Variants in RELN observed in about 807,000 individuals in gnomAD.
The protein encoded by RELN is reelin.
Under a neutral mutation model 427.6 loss-of-function variants are expected in RELN, and 108 were observed. The ratio of observed to expected loss-of-function variants is 0.25; its 90% CI spans 0.22 to 0.30. RELN has a LOEUF of 0.30. Ranked by LOEUF, RELN falls within the 10% of genes least tolerant of loss-of-function variation. The pLI, the probability that RELN is intolerant of heterozygous loss-of-function variation, is 1.00. For missense variants in RELN, 3,715 were observed against 4,302.8 expected, an observed-to-expected ratio of 0.86 and a Z score of 3.82; for synonymous variants, 1,524 against 1,513.4, an observed-to-expected ratio of 1.01 and a Z score of -0.16.
chr7:103,794,415 C>T (rs1792246425), intron 3 of RELN, among the ~76,000 whole-genome samples: 1 of 152,184 alleles, frequency 6.6e-6, no homozygotes, highest in Non-Finnish European at 1.5e-5. Context: ...CTTCTTTCCC[C>T]AACCAAAGAC....
intron 4 of RELN, among the ~76,000 whole-genome samples, chr7:103,762,813 G>A (rs571356033): frequency 1.3e-5 from 2 of 151,944 alleles, no homozygotes; most frequent in Admixed American, 1.3e-4. Context: ...TGTATAATCT[G>A]TCTTGCTCTA....
chr7:103,723,486 A>C (rs1790128721), intron 7 of RELN, among the ~76,000 whole-genome samples: 1 of 152,164 alleles, frequency 6.6e-6, no homozygotes, highest in Admixed American at 6.5e-5. Context: ...TTATCTTGTG[A>C]AGGCATTTAA....
chr7:103,835,166 C>T (rs912002396), intron 2 of RELN, among the ~76,000 whole-genome samples: 6 of 152,078 alleles, frequency 3.9e-5, no homozygotes, highest in Non-Finnish European at 8.8e-5. Flanking sequence ...ACTTAATATG[C>T]GTATTACCAA....
chr7:103,538,234 A>G (rs1469237158), intron 45 of RELN, among the ~76,000 whole-genome samples: 1 of 152,212 alleles, frequency 6.6e-6, no homozygotes, highest in East Asian at 1.9e-4. Context: ...CTTGAAAATA[A>G]CCAAATTCCT....
chr7:103,807,667 T>G (rs1251925579), intron 3 of RELN, among the ~76,000 whole-genome samples: 1 of 152,064 alleles, frequency 6.6e-6, no homozygotes, highest in African/African-American at 2.4e-5. Flanking sequence ...TTTGTGCCCA[T>G]GTGTATTCAG....
chr7:103,977,310 CAAAAAAAAAAAAAAA>C (rs201026012), intron 1 of RELN, among the ~76,000 whole-genome samples: 2 of 88,278 alleles, frequency 2.3e-5, no homozygotes, highest in African/African-American at 1.0e-4. Context: ...GACTCTGTCT[CAAAAAAAAAAAAAAA>C]AAAAAAAAAA....
chr7:103,701,058 A>G (rs764767730), intron 8 of RELN, 52 bp from the exon 9 acceptor site: 14 of 998,758 alleles, frequency 1.4e-5, no homozygotes, highest in African/African-American at 3.2e-5. Flanking sequence ...GTGCAAATAC[A>G]TATTATCTTT....
At chr7:103,707,054 G>C (rs1834218569) in intron 8 of RELN, among the ~76,000 whole-genome samples, 1 of 152,070 alleles carries the variant, frequency 6.6e-6, no homozygotes, top group Non-Finnish European at 1.5e-5. Context: ...AGTTCATGTA[G>C]CCTCAAATTC....
intron 8 of RELN, among the ~76,000 whole-genome samples, chr7:103,706,089 T>A (rs1178457484): frequency 6.6e-6 from 1 of 152,162 alleles, no homozygotes; most frequent in African/African-American, 2.4e-5. Flanking sequence ...TTGGGCTATT[T>A]CCCTACTCTT....
Position 103,626,025 on chromosome 7 carries a change from C to T in RELN, c.2702+3915G>A, listed in dbSNP as rs1832322177. 6.6e-6 allele frequency among the ~76,000 whole-genome samples: 1 copy of T among 151,824 alleles called. No homozygotes were observed. The highest frequency in any genetic ancestry group is 6.6e-5 in the Admixed American group (1 of 15,232). ...ACTAGCTCATGAATGGGATGAAAGA[C>T]AAAGATGGGATGAATGGGTAGAAAT... On this transcript the variant is annotated intron_variant, in intron 20 of 64. Coordinates refer to ENST00000428762, the MANE Select transcript of RELN (RefSeq NM_005045.4). This position sits in a 1 kb window ranked among gnomAD's most constrained non-coding sequence, Gnocchi z 4.4.
At chr7:103,692,220 C>T (rs1283192532) in intron 10 of RELN, among the ~76,000 whole-genome samples, 1 of 152,098 alleles carries the variant, frequency 6.6e-6, no homozygotes, top group East Asian at 1.9e-4. Context: ...GAGCCCTCAG[C>T]ACAAAAATGT....
intron 28 of RELN, among the ~76,000 whole-genome samples, chr7:103,585,395 A>T (rs2117229545): frequency 6.6e-6 from 1 of 152,278 alleles, no homozygotes; most frequent in East Asian, 1.9e-4. Context: ...CAGAGAAATA[A>T]AAAAGATCAT....
At chr7:103,639,493 G>A (rs11976904) in intron 17 of RELN, among the ~76,000 whole-genome samples, 2,683 of 149,720 alleles carry the variant, frequency 0.018, 34 homozygotes, top group African/African-American at 0.038. Flanking sequence ...TCTACCTCCC[G>A]GGTTCAGGTG....
rs1376177359 is a variant in RELN, at chr7:103,645,524, AT to A, written c.2002+4749del. ...CAGACTTTAAATCAACAAGAAAAAA[AT>A]AAGACAAACATTATAAAATGATAAA... On this transcript the variant is annotated intron_variant, in intron 16 of 64. Transcript: ENST00000428762. Among the ~76,000 whole-genome samples the A allele has an allele frequency of 3.3e-5, 5 of 152,002 alleles. No homozygotes were observed. In the East Asian group the frequency reaches 9.7e-4, roughly 29 times the overall value.
chr7:103,472,770 C>T lies in RELN; in HGVS notation c.*42G>A, dbSNP rs1356911647. 7.1e-7 allele frequency: 1 copy of T among 1,408,426 alleles called. No individual in the cohort carries two copies. Among genetic ancestry groups the T allele is most frequent in the South Asian group, 1.2e-5 (1 of 86,738 alleles). 87.2% of individuals were successfully genotyped at this position (1,408,426 alleles called of 1,614,324 possible). A position where few individuals can be genotyped will look rare whatever the true frequency, so the allele number is the denominator to read the frequency against. ...CGAGATTTAAAAGAATGGAGAGCAA[C>T]ACATCACATGTTGGAAGAAAAAAAA... On this transcript the variant is annotated 3_prime_UTR_variant, in exon 65 of 65. Coordinates refer to ENST00000428762, the MANE Select transcript of RELN (RefSeq NM_005045.4).
Position 103,540,569 on chromosome 7 carries a change from C to T in RELN, c.6672-114G>A, listed in dbSNP as rs2075044. 0.054 allele frequency: 47,871 copies of T among 894,726 alleles called. 2,424 individuals carry two copies. The highest frequency in any genetic ancestry group is 0.19 in the East Asian group (7,704 of 40,388). The allele number at this position is 894,726 out of a possible 1,614,324, so 55.4% of individuals were successfully genotyped here. Reference sequence around the variant, plus strand: ...GAACGAAAGGCCTCAATAAATATGGCGATTTAATGAGTGTCCAAAGCAATC... The same window carrying T: ...GAACGAAAGGCCTCAATAAATATGGTGATTTAATGAGTGTCCAAAGCAATC... On this transcript the variant is annotated intron_variant, in intron 43 of 64. Coordinates refer to ENST00000428762, the MANE Select transcript of RELN (RefSeq NM_005045.4).
At chr7:103,711,805 C>T (rs560931709) in intron 8 of RELN, among the ~76,000 whole-genome samples, 26 of 151,900 alleles carry the variant, frequency 1.7e-4, no homozygotes, top group Admixed American at 2.6e-4. Context: ...TGCAGGCACC[C>T]GCCACCAAAC....
intron 11 of RELN, among the ~76,000 whole-genome samples, chr7:103,668,687 A>C (rs564880533): frequency 6.6e-6 from 1 of 152,204 alleles, no homozygotes; most frequent in South Asian, 2.1e-4. Context: ...ATGGAATAGT[A>C]ACTTTTTGAA....
intron 46 of RELN, among the ~76,000 whole-genome samples, chr7:103,534,466 T>C (rs536897828): frequency 6.7e-6 from 1 of 149,066 alleles, no homozygotes; most frequent in East Asian, 2.0e-4. Flanking sequence ...CAGAATTTAC[T>C]AGGCAATTTT....
Sources: gnomAD v4.1 joint callset for allele counts (sites outside exome capture counted in the v4.1 genomes callset) on GRCh38, gnomAD v4.1.1 for gene constraint, Gnocchi (gnomAD v3.1) non-coding constraint, MANE v1.5 for transcripts, NCBI Gene and HGNC (gene_info 2026-07-23, HGNC 2026-07-21) for gene names.